PITX3: variants seen among roughly 807,000 people sequenced by gnomAD.
The protein encoded by PITX3 is paired like homeodomain 3.
Under a neutral mutation model 14.2 loss-of-function variants are expected in PITX3, and 4 were observed. That is an observed-to-expected ratio of 0.28 (90% CI 0.14 to 0.65). PITX3 has a LOEUF of 0.65. PITX3 is among the 30% of genes least tolerant of loss of function. The pLI, the probability that PITX3 is intolerant of heterozygous loss-of-function variation, is 0.82. For synonymous variants in PITX3, 194 were observed against 204.5 expected, an observed-to-expected ratio of 0.95 and a Z score of 0.44; for missense variants, 358 against 426.8, an observed-to-expected ratio of 0.84 and a Z score of 1.42.
At chr10:102,236,712 G>C (rs1288971353) in intron 1 of PITX3, among the ~76,000 whole-genome samples, 2 of 152,236 alleles carry the variant, frequency 1.3e-5, no homozygotes, top group Non-Finnish European at 2.9e-5. Context: ...AAGTCCTGAA[G>C]CCAGAGAGGT....
At chr10:102,235,514 C>T (rs895344026) in intron 1 of PITX3, among the ~76,000 whole-genome samples, 1 of 152,126 alleles carries the variant, frequency 6.6e-6, no homozygotes, top group Admixed American at 6.5e-5. Flanking sequence ...TCTTCATCTC[C>T]GAAAGGAAGT....
chr10:102,231,205 A>C, intron 3 of PITX3, 104 bp from the exon 4 acceptor site: 4 of 1,133,766 alleles, frequency 3.5e-6, no homozygotes, highest in Non-Finnish European at 4.8e-6. Flanking sequence ...GCGGTCAATA[A>C]ACGAGATGAG....
intron 2 of PITX3, 55 bp downstream of exon 2, chr10:102,231,908 C>A: frequency 6.4e-7 from 1 of 1,562,476 alleles, no homozygotes; most frequent in South Asian, 1.1e-5. Flanking sequence ...GGGGTCCCAC[C>A]CGCACTGGGG....
intron 1 of PITX3, among the ~76,000 whole-genome samples, chr10:102,237,827 A>T (rs1401746774): frequency 2.0e-5 from 3 of 152,016 alleles, no homozygotes; most frequent in Non-Finnish European, 2.9e-5. Flanking sequence ...CACCAGGAAG[A>T]TGGGCCCTGT....
rs2070230371 is a variant in PITX3, at chr10:102,231,361, A to G, written c.321+227T>C. Among the ~76,000 whole-genome samples, 5 of 152,088 alleles carry G rather than the reference A, an allele frequency of 3.3e-5. No individual in the cohort carries two copies. The South Asian group carries it at 1.0e-3, about 32-fold the overall frequency. On this transcript the variant is annotated intron_variant, in intron 3 of 3. Coordinates refer to ENST00000370002, the MANE Select transcript of PITX3 (RefSeq NM_005029.4). ...GAGGAGGGGTGGTGAGGGGAAGGAG[A>G]GACGGTGTCAGGGCCGAAGAAGCGC...
At chr10:102,234,783 C>T (rs1308802304) in intron 1 of PITX3, among the ~76,000 whole-genome samples, 1 of 152,174 alleles carries the variant, frequency 6.6e-6, no homozygotes, top group Non-Finnish European at 1.5e-5. Flanking sequence ...ACCCTTGCCA[C>T]CTAGCCTTCC....
At position 102,230,930 on chromosome 10, in the gene PITX3, G is replaced by A. The variant is rs1236012612; in HGVS notation, c.493C>T (p.Leu165Phe). The A allele has an allele frequency of 6.2e-7, 1 of 1,609,622 alleles. No individual in the cohort carries two copies. Among genetic ancestry groups the A allele is most frequent in the Admixed American group, 1.7e-5 (1 of 59,748 alleles). ...NWPPKALAPP[L>F]AAKTFPFAFN... ...GCGAATGGAAAGGTCTTGGCGGCGA[G>A]CGGCGGGGCAAGAGCCTTGGGCGGC... The change falls in exon 4 of 4, where the codon CTC (leucine) becomes TTC (phenylalanine). Residue 165 changes from leucine (L) to phenylalanine (F), a missense_variant. Leu to Phe is a conservative substitution (Grantham distance 22). This residue lies in a region of PITX3 where 236 missense variants were observed against 250.2 expected (regional missense o/e 0.94). Transcript: ENST00000370002.
At chr10:102,238,017 G>T (rs898172154) in intron 1 of PITX3, among the ~76,000 whole-genome samples, 4 of 152,138 alleles carry the variant, frequency 2.6e-5, no homozygotes, top group Non-Finnish European at 4.4e-5. Context: ...GTTGGGCAGG[G>T]AAGAAATAGG....
At chr10:102,237,619 A>G (rs1479253427) in intron 1 of PITX3, among the ~76,000 whole-genome samples, 3 of 152,152 alleles carry the variant, frequency 2.0e-5, no homozygotes, top group Non-Finnish European at 4.4e-5. Flanking sequence ...CAAAAACAAC[A>G]TCTACTAGAA....
At chr10:102,235,402 A>G (rs932365563) in intron 1 of PITX3, among the ~76,000 whole-genome samples, 3 of 152,044 alleles carry the variant, frequency 2.0e-5, no homozygotes, top group Non-Finnish European at 4.4e-5. Context: ...GTATAGCCCA[A>G]AGAAATTAGG....
At chr10:102,233,192 G>T (rs1590406290) in intron 1 of PITX3, among the ~76,000 whole-genome samples, 1 of 151,682 alleles carries the variant, frequency 6.6e-6, no homozygotes, top group South Asian at 2.1e-4. Context: ...CTCGAGATTC[G>T]CTCAGGGACT....
At position 102,230,647 on chromosome 10, in the gene PITX3, G is replaced by A; in HGVS notation, c.776C>T (p.Pro259Leu). 1 of 1,602,666 alleles carries A rather than the reference G, an allele frequency of 6.2e-7. No homozygotes were observed. The highest frequency in any genetic ancestry group is 8.5e-7 in the Non-Finnish European group (1 of 1,175,278). The change falls in exon 4 of 4, where the codon CCG (proline) becomes CTG (leucine). Residue 259 changes from proline (P) to leucine (L), a missense_variant. By Grantham distance (98) the Pro-to-Leu change is moderately conservative. Transcript: ENST00000370002. ...CAGGCTGGCCAGGCTCGAGTTACAC[G>A]GGTCCCGATAGACGTAGGGGGAAGA... ...AASSPYVYRD[P>L]CNSSLASLRL...
chr10:102,235,475 G>A (rs1196229483), intron 1 of PITX3, among the ~76,000 whole-genome samples: 1 of 152,074 alleles, frequency 6.6e-6, no homozygotes, highest in Non-Finnish European at 1.5e-5. Flanking sequence ...TGTGTCCTCG[G>A]CAAGTTACTT....
intron 1 of PITX3, among the ~76,000 whole-genome samples, chr10:102,232,608 G>T (rs2070278356): frequency 6.6e-6 from 1 of 152,170 alleles, no homozygotes; most frequent in African/African-American, 2.4e-5. Flanking sequence ...CTTGAACCTG[G>T]GAGGCGGAGG....
At chr10:102,237,454 C>T (rs777839191) in intron 1 of PITX3, among the ~76,000 whole-genome samples, 4 of 152,026 alleles carry the variant, frequency 2.6e-5, no homozygotes, top group East Asian at 3.9e-4. Flanking sequence ...CAGAGAGAAA[C>T]GAGTCAAACC....
In PITX3 at chr10:102,232,108, G is replaced by GA. The variant is rs1225719267; in HGVS notation, c.-12-17dup. 1.4e-6 allele frequency: 2 copies of GA among 1,417,954 alleles called. No homozygotes were observed. The highest frequency in any genetic ancestry group is 2.0e-6 in the Non-Finnish European group (2 of 1,019,604). 87.8% of individuals were successfully genotyped at this position (1,417,954 alleles called of 1,614,324 possible). ...AGGGAGGGCTCTGGAGGCGAGAGAA[G>GA]ACACAGACCAGGGTAATGGGGGTAA... On this transcript the variant is annotated splice_polypyrimidine_tract_variant and intron_variant, in intron 1 of 3. Coordinates refer to ENST00000370002, the MANE Select transcript of PITX3 (RefSeq NM_005029.4).
intron 2 of PITX3, 26 bp downstream of exon 2, chr10:102,231,937 G>T: frequency 1.3e-6 from 2 of 1,580,030 alleles, no homozygotes; most frequent in Non-Finnish European, 8.7e-7. Flanking sequence ...GTTATGTCCT[G>T]CACCCCCGGA....
intron 1 of PITX3, among the ~76,000 whole-genome samples, chr10:102,238,506 A>C (rs2070459050): frequency 6.6e-6 from 1 of 152,212 alleles, no homozygotes; most frequent in South Asian, 2.1e-4. Flanking sequence ...AGTCCACGAT[A>C]GGGTGGCCCG....
In PITX3 at chr10:102,232,129, G is replaced by C. The variant is rs1325741422; in HGVS notation, c.-12-37C>G. The stretch of plus-strand genomic sequence containing the variant: ...AGAAGACACAGACCAGGGTAATGGG[G>C]GTAAAATCTCCGGCTTAGCTAGGTC... On this transcript the variant is annotated intron_variant, in intron 1 of 3. Transcript: ENST00000370002. 3 of 1,195,682 alleles carry C rather than the reference G, an allele frequency of 2.5e-6. No homozygotes were observed. The African/African-American group carries it at 4.5e-5, about 18-fold the overall frequency. 74.1% of individuals were successfully genotyped at this position (1,195,682 alleles called of 1,614,324 possible). A position where few individuals can be genotyped will look rare whatever the true frequency, so the allele number is the denominator to read the frequency against.
Sources: gnomAD v4.1 joint callset for allele counts (sites outside exome capture counted in the v4.1 genomes callset) on GRCh38, gnomAD v4.1.1 for gene constraint, gnomAD v4.1.1 regional missense constraint, MANE v1.5 for transcripts, NCBI Gene and HGNC (gene_info 2026-07-23, HGNC 2026-07-21) for gene names.